CSMD1: variants seen among roughly 807,000 people sequenced by gnomAD.
CSMD1 encodes the protein CUB and Sushi multiple domains 1.
In CSMD1, 213 loss-of-function variants were observed where a neutral mutation model predicts 417.5. That is an observed-to-expected ratio of 0.51 (90% CI 0.46 to 0.57). The LOEUF (loss-of-function observed/expected upper bound fraction) is 0.57. Among genes scored for constraint, CSMD1 ranks in the 20% least tolerant of loss-of-function variants. CSMD1 has a pLI of 0.00. For missense variants in CSMD1, 6,923 were observed against 4,529.7 expected, an observed-to-expected ratio of 1.53 and a Z score of -15.17; for synonymous variants, 2,862 against 1,736.8, an observed-to-expected ratio of 1.65 and a Z score of -16.11.
chr8:3,341,045 A>T (rs1335637824), intron 23 of CSMD1, among the ~76,000 whole-genome samples: 1 of 152,202 alleles, frequency 6.6e-6, no homozygotes, highest in Admixed American at 6.5e-5. Context: ...GAATAGATTC[A>T]AGCTTTTACA....
chr8:4,729,495 G>A (rs1005961651), intron 1 of CSMD1, among the ~76,000 whole-genome samples: 3 of 152,144 alleles, frequency 2.0e-5, no homozygotes, highest in Non-Finnish European at 4.4e-5. Context: ...TCACACAAAA[G>A]TTTTCTTTAA....
intron 1 of CSMD1, among the ~76,000 whole-genome samples, chr8:4,896,920 A>T (rs957426740): frequency 6.6e-6 from 1 of 151,768 alleles, no homozygotes; most frequent in Non-Finnish European, 1.5e-5. Context: ...TATTCTTCCT[A>T]CCCGCCTGTC....
chr8:4,047,789 T>C (rs1395079624), intron 3 of CSMD1, among the ~76,000 whole-genome samples: 1 of 152,108 alleles, frequency 6.6e-6, no homozygotes, highest in Admixed American at 6.5e-5. Context: ...AGAATGCAAT[T>C]TTACATTAGG....
At chr8:3,254,546 C>T (rs898571084) in intron 26 of CSMD1, among the ~76,000 whole-genome samples, 14 of 152,212 alleles carry the variant, frequency 9.2e-5, no homozygotes, top group African/African-American at 2.9e-4. Flanking sequence ...TCACATAGTC[C>T]CATATTTCTT....
intron 33 of CSMD1, among the ~76,000 whole-genome samples, chr8:3,193,613 T>C (rs1255170311): frequency 6.6e-6 from 1 of 152,048 alleles, no homozygotes; most frequent in African/African-American, 2.4e-5. Flanking sequence ...TTAGTAAATA[T>C]TTCACACTGC....
At position 4,764,885 on chromosome 8, in the gene CSMD1, A is replaced by AAACAAAAAAAAAAACAAAACAAAAC. The variant is rs1812348142; in HGVS notation, c.86-127328_86-127327insGTTTTGTTTTGTTTTTTTTTTTGTT. Among the ~76,000 whole-genome samples the AAACAAAAAAAAAAACAAAACAAAAC allele has an allele frequency of 1.2e-4, 9 of 74,784 alleles. 1 individual carries two copies. The East Asian group carries it at 1.7e-3, about 15-fold the overall frequency. 49.1% of individuals were successfully genotyped at this position (74,784 alleles called of 152,430 possible). On this transcript the variant is annotated intron_variant, in intron 1 of 69. Transcript: ENST00000635120. Reference sequence around the variant, plus strand: ...GAGACTCCATCTCAAAAAAAAAAAAAAAAAAAAAACAACAACAACAAAAAA... The same window carrying AAACAAAAAAAAAAACAAAACAAAAC: ...GAGACTCCATCTCAAAAAAAAAAAAAAACAAAAAAAAAAACAAAACAAAACAAAAAAAAACAACAACAACAAAAAA...
At chr8:4,072,916 G>C (rs944442075) in intron 3 of CSMD1, among the ~76,000 whole-genome samples, 6 of 152,086 alleles carry the variant, frequency 3.9e-5, no homozygotes, top group African/African-American at 1.4e-4. Flanking sequence ...CACAACCTTG[G>C]ATATTACCAC....
At chr8:4,101,953 G>C (rs906922601) in intron 3 of CSMD1, among the ~76,000 whole-genome samples, 1 of 152,150 alleles carries the variant, frequency 6.6e-6, no homozygotes, top group Non-Finnish European at 1.5e-5. Flanking sequence ...TTCTAATAGA[G>C]AAAGGAGGAC....
At chr8:3,180,644 G>C (rs1055369083) in intron 37 of CSMD1, among the ~76,000 whole-genome samples, 2 of 151,956 alleles carry the variant, frequency 1.3e-5, no homozygotes, top group Non-Finnish European at 1.5e-5. Flanking sequence ...TTGTTTGTTT[G>C]TTTGTTTTTG....
In CSMD1 at chr8:4,288,976, C is replaced by T. The variant is rs551258536; in HGVS notation, c.415+130977G>A. 3.3e-5 allele frequency among the ~76,000 whole-genome samples: 5 copies of T among 152,142 alleles called. No individual in the cohort carries two copies. In the East Asian group the frequency reaches 9.7e-4, roughly 29 times the overall value. ...GCAGCTGTAAAAATGGTGATACGTG[C>T]ATAAAAATAATTTAAAAACACAGCA... On this transcript the variant is annotated intron_variant, in intron 3 of 69. Transcript: ENST00000635120.
At position 3,433,330 on chromosome 8, in the gene CSMD1, C is replaced by T. The variant is rs115358721; in HGVS notation, c.1562-23725G>A. On this transcript the variant is annotated intron_variant, in intron 12 of 69. Transcript: ENST00000635120. ...ATTTCCTTGACAGGGACTTCCACTG[C>T]CTGACTGTTTTTCTGCAAATATTTT... Among the ~76,000 whole-genome samples the T allele has an allele frequency of 7.9e-3, 1,207 of 152,284 alleles. 12 individuals carry two copies. The highest frequency in any genetic ancestry group is 0.027 in the African/African-American group (1,128 of 41,572).
chr8:3,213,041 G>C (rs912003368), intron 30 of CSMD1, among the ~76,000 whole-genome samples: 1 of 151,800 alleles, frequency 6.6e-6, no homozygotes, highest in African/African-American at 2.4e-5. Context: ...TGTTAGCCAT[G>C]GTCTCGAACT....
rs117180435 is a variant in CSMD1, at chr8:3,934,499, G to C, written c.818+63404C>G. Among the ~76,000 whole-genome samples, 726 of 152,192 alleles carry C rather than the reference G, an allele frequency of 4.8e-3. 4 individuals are homozygous for C. Among genetic ancestry groups the C allele is most frequent in the Non-Finnish European group, 8.1e-3 (552 of 68,008 alleles). On this transcript the variant is annotated intron_variant, in intron 5 of 69. Transcript: ENST00000635120. The stretch of plus-strand genomic sequence containing the variant: ...TTCTGAAGTATTTTTAATAATTGAA[G>C]GAAAGGTAATGAGGCCAGACCTAAA...
Position 4,282,123 on chromosome 8 carries a change from A to T in CSMD1, c.415+137830T>A, listed in dbSNP as rs1796818247. 2.6e-5 allele frequency among the ~76,000 whole-genome samples: 4 copies of T among 152,202 alleles called. No individual in the cohort carries two copies. The South Asian group carries it at 8.3e-4, about 32-fold the overall frequency. Reference sequence around the variant, plus strand: ...TCCAAGAGTATTTTTAATTATGTAAACTTTAAAGTTATACAATATTGCTCA... The same window carrying T: ...TCCAAGAGTATTTTTAATTATGTAATCTTTAAAGTTATACAATATTGCTCA... On this transcript the variant is annotated intron_variant, in intron 3 of 69. Coordinates refer to ENST00000635120, the MANE Select transcript of CSMD1 (RefSeq NM_033225.6).
chr8:3,526,291 A>G (rs1036554132), intron 10 of CSMD1, among the ~76,000 whole-genome samples: 2 of 151,970 alleles, frequency 1.3e-5, no homozygotes, highest in African/African-American at 2.4e-5. Flanking sequence ...AGAAAAGCAA[A>G]TAGATATAGG....
intron 65 of CSMD1, among the ~76,000 whole-genome samples, chr8:2,953,700 T>C (rs1213842099): frequency 6.6e-6 from 1 of 152,228 alleles, no homozygotes; most frequent in African/African-American, 2.4e-5. Context: ...ATTTGCTATA[T>C]AATGCTTTTA....
chr8:3,583,369 G>A (rs183456062), intron 9 of CSMD1, among the ~76,000 whole-genome samples: 1 of 152,008 alleles, frequency 6.6e-6, no homozygotes, highest in Non-Finnish European at 1.5e-5. Context: ...GAAGGCCTCA[G>A]GTGCCTCGAA....
intron 1 of CSMD1, among the ~76,000 whole-genome samples, chr8:4,746,277 A>G (rs1379917155): frequency 1.3e-5 from 2 of 152,212 alleles, no homozygotes; most frequent in African/African-American, 4.8e-5. Context: ...TAGGTGACGT[A>G]CTTAGAGCCT....
intron 36 of CSMD1, among the ~76,000 whole-genome samples, chr8:3,187,356 C>T (rs1213676811): frequency 2.0e-5 from 3 of 152,196 alleles, no homozygotes; most frequent in South Asian, 4.1e-4. Context: ...AGAGCAGACT[C>T]GTCAAGGCGG....
Sources: allele counts gnomAD v4.1 joint callset (sites outside exome capture counted in the v4.1 genomes callset), GRCh38; gene constraint gnomAD v4.1.1; transcripts MANE v1.5; gene names NCBI Gene and HGNC (gene_info 2026-07-23, HGNC 2026-07-21).